The following LLGL1 variants were observed in gnomAD, a reference collection of about 807,000 sequenced individuals.
LLGL1 encodes the protein lethal(2) giant larvae protein homolog 1.
A neutral mutation model predicts 110.6 loss-of-function variants in LLGL1; 58 were observed. The observed-to-expected ratio is 0.52, with a 90% confidence interval of 0.42 to 0.65. The LOEUF is 0.65. Ranked by LOEUF, LLGL1 falls within the 30% of genes least tolerant of loss-of-function variation. The pLI is 0.00. For synonymous variants in LLGL1, 674 were observed against 607.2 expected, an observed-to-expected ratio of 1.11 and a Z score of -1.62; for missense variants, 1,229 against 1,462.1, an observed-to-expected ratio of 0.84 and a Z score of 2.60.
intron 13 of LLGL1, 89 bp downstream of exon 13, chr17:18,237,028 C>A: frequency 8.6e-7 from 1 of 1,167,102 alleles, no homozygotes; most frequent in Non-Finnish European, 1.2e-6. Context: ...GGGAGATGGA[C>A]TGGCACAGGC....
In LLGL1 at chr17:18,235,321, G is replaced by A. The variant is rs530717044; in HGVS notation, c.1284+9G>A. 66 of 1,609,482 alleles carry A rather than the reference G, an allele frequency of 4.1e-5. No homozygotes were observed. The South Asian group carries it at 4.8e-4, about 12-fold the overall frequency. ...CTGTCTCCAGTGCCTTGGTGTGTGC[G>A]GCGATCAGGGGGGTCTTACAGGGTG... On this transcript the variant is annotated intron_variant, in intron 10 of 22. Coordinates refer to ENST00000316843, the MANE Select transcript of LLGL1 (RefSeq NM_004140.4).
rs775915395 is a variant in LLGL1 at position 18,234,917 on chromosome 17, C to G, written c.984C>G (p.Ala328=). 2 of 1,614,066 alleles carry G rather than the reference C, an allele frequency of 1.2e-6. No individual in the cohort carries two copies. The highest frequency in any genetic ancestry group is 1.7e-6 in the Non-Finnish European group (2 of 1,179,994). The stretch of plus-strand genomic sequence containing the variant: ...GCCACTGTGTAAGTGTGCTTCGAGC[C>G]GAGACATTGGTGACGCTGGACTTCA... ...GDRHCVSVLR[A]ETLVTLDFTS... Residue 328 remains alanine, a synonymous_variant, in exon 9 of 23, where the codon GCC becomes GCG. Coordinates refer to ENST00000316843, the MANE Select transcript of LLGL1 (RefSeq NM_004140.4).
chr17:18,228,175 C>T (rs1354423755), intron 1 of LLGL1, among the ~76,000 whole-genome samples: 2 of 152,184 alleles, frequency 1.3e-5, no homozygotes, highest in Non-Finnish European at 2.9e-5. Context: ...GTAAAATAGA[C>T]TGTAGTTGGG....
rs1481186244 is a variant in LLGL1, at chr17:18,237,383, G to GAACCCA, written c.1612-98_1612-97insAACCCA. 5.0e-6 allele frequency: 6 copies of GAACCCA among 1,209,782 alleles called. No individual in the cohort carries two copies. The Admixed American group carries it at 1.7e-4, about 35-fold the overall frequency. The allele number at this position is 1,209,782 out of a possible 1,614,324, so 74.9% of individuals were successfully genotyped here. A position where few individuals can be genotyped will look rare whatever the true frequency, so the allele number is the denominator to read the frequency against. On this transcript the variant is annotated intron_variant, in intron 13 of 22. Transcript: ENST00000316843. ...CTGAAGACAGTCCTAGAACCACCTT[G>GAACCCA]GTGGTGGCTGGGGCTGCTTCAGAGG...
In LLGL1 at chr17:18,238,128, C is replaced by T; in HGVS notation, c.1966C>T (p.Leu656Phe). Residue 656 changes from leucine to phenylalanine, a missense_variant, in exon 15 of 23, where the codon CTC becomes TTC. Leu to Phe is a conservative substitution (Grantham distance 22). Coordinates refer to ENST00000316843, the MANE Select transcript of LLGL1 (RefSeq NM_004140.4). ...GGGTCCGCTCTCCCGGGTGAAGTCT[C>T]TCAAGAAGTCACTGCGCCAGTCTTT... is the stretch of plus-strand genomic sequence containing the variant. ...MEGPLSRVKS[L>F]KKSLRQSFRR... The T allele has an allele frequency of 1.9e-6, 3 of 1,613,894 alleles. No individual in the cohort carries two copies. Among genetic ancestry groups the T allele is most frequent in the Non-Finnish European group, 2.5e-6 (3 of 1,180,022 alleles).
In LLGL1 at chr17:18,242,594, G is replaced by A. The variant is rs764049583; in HGVS notation, c.3082G>A (p.Asp1028Asn). The A allele has an allele frequency of 3.2e-5, 51 of 1,613,920 alleles. No homozygotes were observed. In the Middle Eastern group the frequency reaches 9.9e-4, roughly 31 times the overall value. The change falls in exon 21 of 23, where the codon GAC (aspartate) becomes AAC (asparagine). Residue 1028 changes from aspartate (D) to asparagine (N), a missense_variant. Asp to Asn is a conservative substitution (Grantham distance 23). Coordinates refer to ENST00000316843, the MANE Select transcript of LLGL1 (RefSeq NM_004140.4). ...SADTTLDTTG[D>N]VTVEDVKDFL... is the part of the protein sequence containing the mutation. ...TGACACCACGCTGGACACGACAGGG[G>A]ACGTCACAGTGGAAGATGTGAAGGA...
chr17:18,239,520 C>T (rs771986636), intron 16 of LLGL1, among the ~76,000 whole-genome samples: 5 of 152,090 alleles, frequency 3.3e-5, no homozygotes, highest in South Asian at 2.1e-4. Flanking sequence ...TTTTTTTTGC[C>T]GGGGTATTTT....
At chr17:18,227,332 G>T (rs2047468325) in intron 1 of LLGL1, among the ~76,000 whole-genome samples, 1 of 152,162 alleles carries the variant, frequency 6.6e-6, no homozygotes, top group South Asian at 2.1e-4. Flanking sequence ...AGGCTGTGAG[G>T]GTGAGGTGAG....
chr17:18,236,600 C>T lies in LLGL1; in HGVS notation c.1353-7C>T, dbSNP rs1268868734. 2.5e-6 allele frequency: 4 copies of T among 1,605,736 alleles called. No homozygotes were observed. The highest frequency in any genetic ancestry group is 2.7e-5 in the African/African-American group (2 of 74,808). ...TCGGGTAGCCCTGACATCTGCCCTCCCTGCAGCCATGAGGACGGCACCGTG... is the reference window on the plus strand; with the variant it reads ...TCGGGTAGCCCTGACATCTGCCCTCTCTGCAGCCATGAGGACGGCACCGTG... On this transcript the variant is annotated splice_polypyrimidine_tract_variant and splice_region_variant and intron_variant, in intron 11 of 22. Transcript: ENST00000316843.
intron 1 of LLGL1, among the ~76,000 whole-genome samples, chr17:18,227,427 A>G (rs2047470707): frequency 6.6e-6 from 1 of 150,912 alleles, no homozygotes; most frequent in African/African-American, 2.4e-5. Flanking sequence ...TCTCACTCTC[A>G]CCCAGGCTGG....
rs2047623676 is a variant in LLGL1, at chr17:18,233,833, A to G, written c.448A>G (p.Ile150Val). 1 of 1,613,784 alleles carries G rather than the reference A, an allele frequency of 6.2e-7. No homozygotes were observed. The highest frequency in any genetic ancestry group is 2.2e-5 in the East Asian group (1 of 44,866). Residue 150 changes from isoleucine to valine, a missense_variant, in exon 5 of 23, where the codon ATA (isoleucine) becomes GTA (valine). Ile to Val is a conservative substitution (Grantham distance 29). Transcript: ENST00000316843. ...TVVLLVAASD[I>V]AALGTEGSSV... Reference sequence around the variant, plus strand: ...GGTCCTGCTGGTGGCTGCCAGCGACATAGCAGCCCTGGGCACTGAGGGCAG... The same window carrying G: ...GGTCCTGCTGGTGGCTGCCAGCGACGTAGCAGCCCTGGGCACTGAGGGCAG...
intron 16 of LLGL1, among the ~76,000 whole-genome samples, chr17:18,239,681 C>T (rs1479229952): frequency 3.3e-5 from 5 of 151,870 alleles, no homozygotes; most frequent in Admixed American, 6.6e-5. Flanking sequence ...ATTTATTTGT[C>T]GAGGGTCTTT....
chr17:18,230,191 G>A (rs1039060653), intron 2 of LLGL1, among the ~76,000 whole-genome samples, 153 bp downstream of exon 2: 2 of 152,186 alleles, frequency 1.3e-5, no homozygotes, highest in African/African-American at 2.4e-5. Context: ...GGAGGTTGGC[G>A]TGGCTTCTGT....
At chr17:18,227,075 G>A (rs1217860001) in intron 1 of LLGL1, among the ~76,000 whole-genome samples, 1 of 152,228 alleles carries the variant, frequency 6.6e-6, no homozygotes, top group Non-Finnish European at 1.5e-5. Context: ...GGCCAGTGTT[G>A]TGCCAGGCGC....
Position 18,233,851 on chromosome 17 carries a change from G to T in LLGL1, c.466G>T (p.Glu156Ter). The T allele has an allele frequency of 6.2e-7, 1 of 1,613,806 alleles. No individual in the cohort carries two copies. The highest frequency in any genetic ancestry group is 1.3e-5 in the African/African-American group (1 of 75,054). The change falls in exon 5 of 23, where the codon GAG (glutamate) becomes TAG (stop). Residue 156 changes from glutamate to a stop codon, truncating the protein, a stop_gained. Transcript: ENST00000316843. LOFTEE classifies it high-confidence loss of function. ...CAGCGACATAGCAGCCCTGGGCACT[G>T]AGGGCAGCAGTGTCTTCTTCCTGGA... ...AASDIAALGT[E>*]GSSVFFLDVT...
intron 20 of LLGL1, 87 bp downstream of exon 20, chr17:18,242,365 C>G: frequency 6.5e-7 from 1 of 1,542,900 alleles, no homozygotes; most frequent in South Asian, 1.1e-5. Flanking sequence ...AGGGATCGGG[C>G]AGGCTTCTGT....
chr17:18,234,465 C>G, intron 7 of LLGL1, 57 bp downstream of exon 7: 1 of 1,595,282 alleles, frequency 6.3e-7, no homozygotes, highest in East Asian at 2.3e-5. Flanking sequence ...CACCACTGAG[C>G]CAAGCCAAAC....
At position 18,236,708 on chromosome 17, in the gene LLGL1, A is replaced by C. The variant is rs1325693797; in HGVS notation, c.1454A>C (p.His485Pro). The C allele has an allele frequency of 1.2e-6, 2 of 1,612,580 alleles. No homozygotes were observed. The highest frequency in any genetic ancestry group is 2.2e-5 in the East Asian group (1 of 44,862). ...TAGLFQTDCE[H>P]ADSLAQAAED... ...GGCCTCTTCCAGACAGACTGTGAGC[A>C]CGCTGACAGCCTGGCCCAGGCTGCC... Residue 485 changes from histidine to proline, a missense_variant, in exon 12 of 23, where the codon CAC becomes CCC. Coordinates refer to ENST00000316843, the MANE Select transcript of LLGL1 (RefSeq NM_004140.4).
chr17:18,225,801 G>T (rs1447657074), intron 1 of LLGL1, 38 bp downstream of exon 1: 1 of 917,434 alleles, frequency 1.1e-6, no homozygotes, highest in South Asian at 4.7e-5. Context: ...GGGCGGGAGG[G>T]GGCGGGACGG....
Sources: gnomAD v4.1 joint callset for allele counts (sites outside exome capture counted in the v4.1 genomes callset) on GRCh38, gnomAD v4.1.1 for gene constraint, MANE v1.5 for transcripts, NCBI Gene and HGNC (gene_info 2026-07-23, HGNC 2026-07-21) for gene names.